The following LRCH1 variants were observed in gnomAD, a reference collection of about 807,000 sequenced individuals.
LRCH1 encodes the protein leucine rich repeats and calponin homology domain containing 1, also known as leucine-rich repeat and calponin homology domain-containing protein 1.
In LRCH1, 23 loss-of-function variants were observed where a neutral mutation model predicts 94.9. The observed-to-expected ratio is 0.24, with a 90% CI of 0.17 to 0.34. The LOEUF is 0.34. Among genes scored for constraint, LRCH1 ranks in the 10% least tolerant of loss-of-function variants. The pLI is 1.00. For synonymous variants in LRCH1, 364 were observed against 354.9 expected (o/e 1.03, Z -0.29); for missense variants, 790 against 945.9 (o/e 0.84, Z 2.16).
At chr13:46,589,047 T>C (rs1273447781) in intron 1 of LRCH1, among the ~76,000 whole-genome samples, 3 of 152,004 alleles carry the variant, frequency 2.0e-5, no homozygotes, top group African/African-American at 7.3e-5. Flanking sequence ...TCTCTCTATA[T>C]ATTTTTTAAG....
intron 19 of LRCH1, among the ~76,000 whole-genome samples, chr13:46,739,888 T>A (rs1290105898): frequency 6.6e-6 from 1 of 152,202 alleles, no homozygotes; most frequent in Non-Finnish European, 1.5e-5. Flanking sequence ...AGGAGTGTAC[T>A]ACTGAAAACT....
At chr13:46,580,217 G>C (rs942512286) in intron 1 of LRCH1, among the ~76,000 whole-genome samples, 6 of 152,170 alleles carry the variant, frequency 3.9e-5, no homozygotes, top group Non-Finnish European at 8.8e-5. Context: ...TTTCACTGAA[G>C]GAGTTCTAAA....
At chr13:46,664,601 G>C (rs1455062860) in intron 2 of LRCH1, among the ~76,000 whole-genome samples, 1 of 152,180 alleles carries the variant, frequency 6.6e-6, no homozygotes, top group African/African-American at 2.4e-5. Flanking sequence ...ACAATGGCAT[G>C]ATGAAGCATT....
intron 2 of LRCH1, among the ~76,000 whole-genome samples, chr13:46,668,648 C>T (rs1207671440): frequency 6.6e-6 from 1 of 151,026 alleles, no homozygotes; most frequent in Non-Finnish European, 1.5e-5. Context: ...GCACCAGCTT[C>T]CCGTTGCTAT....
chr13:46,595,737 A>G (rs1261340739), intron 1 of LRCH1, among the ~76,000 whole-genome samples: 2 of 152,328 alleles, frequency 1.3e-5, no homozygotes, highest in East Asian at 3.9e-4. Flanking sequence ...CCTGACAGGA[A>G]TAAACTCAAG....
intron 16 of LRCH1, among the ~76,000 whole-genome samples, chr13:46,719,817 G>A (rs2138213056): frequency 6.6e-6 from 1 of 152,068 alleles, no homozygotes; most frequent in Middle Eastern, 3.4e-3. Flanking sequence ...GGTCAACATG[G>A]TGAAACCCTG....
At chr13:46,664,235 T>A (rs1297819021) in intron 2 of LRCH1, among the ~76,000 whole-genome samples, 1 of 152,122 alleles carries the variant, frequency 6.6e-6, no homozygotes, top group African/African-American at 2.4e-5. Context: ...GTACAATAAG[T>A]AAAATTAATA....
intron 2 of LRCH1, among the ~76,000 whole-genome samples, chr13:46,661,751 CG>C (rs1300325729): frequency 7.9e-5 from 12 of 152,100 alleles, no homozygotes; most frequent in Admixed American, 7.9e-4. Context: ...TGGAGAGGAA[CG>C]CGTCTTCAAG....
intron 4 of LRCH1, among the ~76,000 whole-genome samples, chr13:46,684,936 G>C (rs1016974346): frequency 2.0e-5 from 3 of 152,210 alleles, no homozygotes; most frequent in African/African-American, 7.2e-5. Context: ...GAGCAGTGTA[G>C]GGGTAGAGGA....
chr13:46,659,163 G>GATTTATTT (rs67901139), intron 2 of LRCH1, among the ~76,000 whole-genome samples: 32 of 149,112 alleles, frequency 2.1e-4, no homozygotes, highest in African/African-American at 4.5e-4. Context: ...AAATACTTCA[G>GATTTATTT]ATTTATTTAT....
At chr13:46,622,748 C>G (rs1466083278) in intron 1 of LRCH1, among the ~76,000 whole-genome samples, 1 of 152,160 alleles carries the variant, frequency 6.6e-6, no homozygotes, top group Non-Finnish European at 1.5e-5. Flanking sequence ...GAGAATCAAG[C>G]TAAGAAAATT....
intron 3 of LRCH1, chr13:46,679,814 A>G (rs2051726950): frequency 6.6e-6 from 1 of 152,294 alleles, no homozygotes; most frequent in African/African-American, 2.4e-5. Flanking sequence ...CCTTTTTAGC[A>G]AGAGTGATAC....
chr13:46,657,500 CTTTTTTTTTTTTTTTTTT>C (rs67588975), intron 2 of LRCH1, among the ~76,000 whole-genome samples: 12 of 11,386 alleles, frequency 1.1e-3, no homozygotes, highest in South Asian at 7.5e-3. Flanking sequence ...CTTTTCTTTT[CTTTTTTTTTTTTTTTTTT>C]TTTTTTTTTT....
At chr13:46,632,016 A>G (rs567815953) in intron 1 of LRCH1, among the ~76,000 whole-genome samples, 1 of 152,210 alleles carries the variant, frequency 6.6e-6, no homozygotes. Flanking sequence ...AGCCTGGCCA[A>G]CATGGTGGAA....
chr13:46,636,631 A>G (rs2051093839), intron 1 of LRCH1, among the ~76,000 whole-genome samples: 1 of 151,762 alleles, frequency 6.6e-6, no homozygotes, highest in Non-Finnish European at 1.5e-5. Context: ...TTCCCCCTCC[A>G]CCACTTTTCT....
At chr13:46,619,757 G>T (rs9534441) in intron 1 of LRCH1, among the ~76,000 whole-genome samples, 9,221 of 150,812 alleles carry the variant, frequency 0.061, 457 homozygotes, top group East Asian at 0.25. Context: ...TGTGGTGGTT[G>T]TTGTTGTTTG....
At chr13:46,687,448 G>C (rs1253941920) in intron 5 of LRCH1, among the ~76,000 whole-genome samples, 6 of 152,160 alleles carry the variant, frequency 3.9e-5, no homozygotes, top group Non-Finnish European at 7.4e-5. Context: ...TAATTTAACA[G>C]CTTCTTAAAT....
At chr13:46,717,435 G>T (rs1169303434) in intron 16 of LRCH1, 1 of 152,100 alleles carries the variant, frequency 6.6e-6, no homozygotes. Flanking sequence ...CGGTTCAGTC[G>T]ATCATGTCAG....
At chr13:46,703,228 A>G (rs1871580124) in intron 11 of LRCH1, among the ~76,000 whole-genome samples, 1 of 152,230 alleles carries the variant, frequency 6.6e-6, no homozygotes, top group Admixed American at 6.5e-5. Context: ...GTGTACATGT[A>G]TTCATTATAA....
Sources: gnomAD v4.1 joint callset for allele counts (sites outside exome capture counted in the v4.1 genomes callset) on GRCh38, gnomAD v4.1.1 for gene constraint, MANE v1.5 for transcripts, NCBI Gene and HGNC (gene_info 2026-07-23, HGNC 2026-07-21) for gene names.